The following KLHL4 variants were observed in gnomAD, a reference collection of about 807,000 sequenced individuals.
KLHL4 encodes kelch like family member 4, also known as kelch-like protein 4.
Under a neutral mutation model 45.8 loss-of-function variants are expected in KLHL4, and 17 were observed. The observed-to-expected ratio is 0.37, with a 90% confidence interval of 0.25 to 0.56. The LOEUF (loss-of-function observed/expected upper bound fraction) is 0.56, where lower values mean the gene tolerates loss of function less well. Among genes scored for constraint, KLHL4 ranks in the 20% least tolerant of loss-of-function variants. The pLI is 0.79. For missense variants in KLHL4, 544 were observed against 544.9 expected, an observed-to-expected ratio of 1.00 and a Z score of 0.02; for synonymous variants, 224 against 189.9, an observed-to-expected ratio of 1.18 and a Z score of -1.47.
intron 1 of KLHL4, among the ~76,000 whole-genome samples, chrX:87,603,709 A>G (rs1290487315): frequency 9.0e-6 from 1 of 110,796 alleles, no homozygotes; most frequent in Non-Finnish European, 1.9e-5. Flanking sequence ...ATATAAATAA[A>G]TATATGTATT....
chrX:87,529,563 T>C (rs1320455094), intron 1 of KLHL4, among the ~76,000 whole-genome samples: 2 of 110,625 alleles, frequency 1.8e-5, no homozygotes, highest in Non-Finnish European at 3.8e-5. Flanking sequence ...GAGTATAGAG[T>C]CTTTAATCTT....
chrX:87,520,534 T>C (rs1930979174), intron 1 of KLHL4, among the ~76,000 whole-genome samples: 1 of 112,437 alleles, frequency 8.9e-6, no homozygotes, highest in Middle Eastern at 4.2e-3. Flanking sequence ...CTGGAAGGGA[T>C]ATTAAAGCCA....
At chrX:87,654,942 G>A (rs887136391) in intron 9 of KLHL4, among the ~76,000 whole-genome samples, 6 of 111,352 alleles carry the variant, frequency 5.4e-5, no homozygotes, top group African/African-American at 9.8e-5. Flanking sequence ...TTTATATGTC[G>A]TTTTTAAAAA....
intron 1 of KLHL4, among the ~76,000 whole-genome samples, chrX:87,551,564 TAGAC>T (rs1327411684): frequency 3.7e-5 from 4 of 108,857 alleles, no homozygotes; most frequent in African/African-American, 6.7e-5. Flanking sequence ...CATAGATAGA[TAGAC>T]AGATAGATAA....
intron 1 of KLHL4, among the ~76,000 whole-genome samples, chrX:87,538,094 T>C (rs1285873156): frequency 1.8e-5 from 2 of 111,817 alleles, no homozygotes; most frequent in Non-Finnish European, 3.8e-5. Flanking sequence ...AGCTTTTCTC[T>C]TTCTCCCTTT....
intron 9 of KLHL4, among the ~76,000 whole-genome samples, chrX:87,659,202 C>T (rs1924102320): frequency 9.7e-6 from 1 of 102,619 alleles, no homozygotes; most frequent in Non-Finnish European, 2.0e-5. Flanking sequence ...TCACTGCAAC[C>T]TCCACCTCCC....
chrX:87,528,001 A>G (rs1931147301), intron 1 of KLHL4, among the ~76,000 whole-genome samples: 1 of 111,161 alleles, frequency 9.0e-6, no homozygotes, highest in South Asian at 3.8e-4. Context: ...CCTGATGGTA[A>G]AACTAAGACC....
intron 1 of KLHL4, among the ~76,000 whole-genome samples, chrX:87,546,010 T>C (rs1026598861): frequency 5.4e-5 from 6 of 111,612 alleles, no homozygotes; most frequent in African/African-American, 2.0e-4. Flanking sequence ...CAGAGCATAA[T>C]AGTTTGGAAA....
At position 87,664,893 on chromosome X, in the gene KLHL4, C is replaced by A; in HGVS notation, c.2055C>A (p.Asn685Lys). ...VGGYDGHTYL[N>K]TVESYDAQRN... ...GATATGACGGACATACTTATTTGAA[C>A]ACAGTTGAGTCATATGATGCACAGA... Residue 685 changes from asparagine (N) to lysine (K), a missense_variant, in exon 10 of 11, where the codon AAC becomes AAA. Coordinates refer to ENST00000373119, the MANE Select transcript of KLHL4 (RefSeq NM_019117.5). 8.4e-7 allele frequency: 1 copy of A among 1,195,662 alleles called. No homozygotes were observed. Among genetic ancestry groups the A allele is most frequent in the Non-Finnish European group, 1.1e-6 (1 of 882,069 alleles).
At chrX:87,617,079 G>T (rs1922581632) in intron 3 of KLHL4, among the ~76,000 whole-genome samples, 1 of 111,570 alleles carries the variant, frequency 9.0e-6, no homozygotes, top group African/African-American at 3.2e-5. Context: ...TAAAATCGCA[G>T]AATTTTTGCA....
chrX:87,584,526 A>G (rs943553466), intron 1 of KLHL4, among the ~76,000 whole-genome samples: 1 of 111,902 alleles, frequency 8.9e-6, no homozygotes, highest in Non-Finnish European at 1.9e-5. Flanking sequence ...AACTAATTGA[A>G]AAAATCAGGA....
chrX:87,568,557 T>C (rs1309013153), intron 1 of KLHL4, among the ~76,000 whole-genome samples: 1 of 110,229 alleles, frequency 9.1e-6, no homozygotes, highest in Non-Finnish European at 1.9e-5. Flanking sequence ...TAATCAAAAA[T>C]AAAGCTACAG....
At chrX:87,635,838 A>G (rs1162420728) in intron 9 of KLHL4, 63 bp downstream of exon 9, 1 of 869,237 alleles carries the variant, frequency 1.2e-6, no homozygotes, top group African/African-American at 2.1e-5. Flanking sequence ...TAGAAATAGA[A>G]AGATTTTTTT....
chrX:87,588,279 A>G (rs938689337), intron 1 of KLHL4, among the ~76,000 whole-genome samples: 2 of 112,170 alleles, frequency 1.8e-5, no homozygotes, highest in African/African-American at 6.5e-5. Flanking sequence ...CATTATTCAC[A>G]GAAATAGAAA....
intron 1 of KLHL4, among the ~76,000 whole-genome samples, chrX:87,545,154 G>C (rs1352262494): frequency 8.9e-6 from 1 of 112,532 alleles, no homozygotes; most frequent in Non-Finnish European, 1.9e-5. Flanking sequence ...AATGCAATTG[G>C]CATACTGAAG....
Position 87,651,453 on chromosome X carries a change from G to T in KLHL4, c.1926-13311G>T, listed in dbSNP as rs187264411. On this transcript the variant is annotated intron_variant, in intron 9 of 10. Transcript: ENST00000373119. ...CAAGGCAAGTCCCTTCTGCCTGTGA[G>T]CCTGTAAAATCAAAAGCAAGTTAGT... Among the ~76,000 whole-genome samples the T allele has an allele frequency of 2.7e-5, 3 of 112,444 alleles. No individual in the cohort carries two copies. In the East Asian group the frequency reaches 8.5e-4, roughly 32 times the overall value.
chrX:87,539,369 G>A (rs1193503398), intron 1 of KLHL4, among the ~76,000 whole-genome samples: 1 of 109,997 alleles, frequency 9.1e-6, no homozygotes, highest in African/African-American at 3.3e-5. Flanking sequence ...TCTCCCCAGG[G>A]TCTAGAGTTC....
chrX:87,613,807 A>G (rs1288186218), intron 1 of KLHL4, 70 bp from the exon 2 acceptor site: 1 of 822,355 alleles, frequency 1.2e-6, no homozygotes, highest in East Asian at 3.8e-5. Context: ...TTGTACTCTC[A>G]TTAGAGAAAA....
intron 1 of KLHL4, among the ~76,000 whole-genome samples, chrX:87,531,054 T>G (rs1602401170): frequency 8.9e-6 from 1 of 112,309 alleles, no homozygotes; most frequent in Admixed American, 9.4e-5. Context: ...GTCCTTTGGC[T>G]GCATAAATGT....
Sources: allele counts gnomAD v4.1 joint callset (sites outside exome capture counted in the v4.1 genomes callset), GRCh38; gene constraint gnomAD v4.1.1; transcripts MANE v1.5; gene names NCBI Gene and HGNC (gene_info 2026-07-23, HGNC 2026-07-21).